MAP3K3: variants seen among roughly 807,000 people sequenced by gnomAD.
MAP3K3 encodes the protein mitogen-activated protein kinase kinase kinase 3.
In MAP3K3, 12 loss-of-function variants were observed where a neutral mutation model predicts 80.9. The ratio of observed to expected loss-of-function variants is 0.15; its 90% confidence interval spans 0.10 to 0.24. The LOEUF (loss-of-function observed/expected upper bound fraction) is 0.24, where lower values mean the gene tolerates loss of function less well. Among genes scored for constraint, MAP3K3 ranks in the 10% least tolerant of loss-of-function variants. MAP3K3 has a pLI of 1.00. For synonymous variants in MAP3K3, 272 were observed against 307.1 expected (o/e 0.89, Z 1.19); for missense variants, 596 against 834.7 (o/e 0.71, Z 3.52).
rs563252910 is a variant in MAP3K3 at position 63,647,360 on chromosome 17, A to G, written c.167+1286A>G. Among the ~76,000 whole-genome samples the G allele has an allele frequency of 3.9e-5, 6 of 152,252 alleles. No homozygotes were observed. In the East Asian group the frequency reaches 9.6e-4, roughly 24 times the overall value. ...CTGTTGCTACTTTTCACATTTTCCA[A>G]CCTGAGTTTTAAAGGGATGGCCAAA... On this transcript the variant is annotated intron_variant, in intron 3 of 15. Coordinates refer to ENST00000361733, the MANE Select transcript of MAP3K3 (RefSeq NM_002401.5).
At chr17:63,635,123 T>G (rs1003186927) in intron 2 of MAP3K3, among the ~76,000 whole-genome samples, 6 of 152,212 alleles carry the variant, frequency 3.9e-5, no homozygotes, top group Non-Finnish European at 7.3e-5. Context: ...TTTATATCAT[T>G]TTAATTAATT....
At chr17:63,667,548 A>G (rs1446288335) in intron 6 of MAP3K3, among the ~76,000 whole-genome samples, 1 of 152,158 alleles carries the variant, frequency 6.6e-6, no homozygotes, top group East Asian at 1.9e-4. Context: ...GAGACTATTG[A>G]CATAGTACAG....
chr17:63,664,047 C>T, intron 5 of MAP3K3, among the ~76,000 whole-genome samples: 1 of 151,676 alleles, frequency 6.6e-6, no homozygotes, highest in South Asian at 2.1e-4. Flanking sequence ...TCGAGACCAT[C>T]CTGGCTAACA....
chr17:63,640,312 G>A (rs1350990072), intron 2 of MAP3K3, among the ~76,000 whole-genome samples: 1 of 152,156 alleles, frequency 6.6e-6, no homozygotes, highest in Admixed American at 6.5e-5. Flanking sequence ...TAATAGTTGA[G>A]AAGGGAGACT....
rs532145784 is a variant in MAP3K3 at position 63,672,208 on chromosome 17, G to A, written c.502+5148G>A. Among the ~76,000 whole-genome samples the A allele has an allele frequency of 7.3e-5, 11 of 151,672 alleles. 1 individual carries two copies. Among genetic ancestry groups the A allele is most frequent in the South Asian group, 2.1e-4 (1 of 4,792 alleles). ...TGAGGCAGGAGAATTGTTTGAACCC[G>A]GGAGGCGGAGGTTGCAGTGAGCCGA... On this transcript the variant is annotated intron_variant, in intron 6 of 15. Coordinates refer to ENST00000361733, the MANE Select transcript of MAP3K3 (RefSeq NM_002401.5).
intron 6 of MAP3K3, among the ~76,000 whole-genome samples, chr17:63,675,816 A>G (rs569566466): frequency 2.6e-5 from 4 of 152,332 alleles, no homozygotes; most frequent in South Asian, 2.1e-4. Flanking sequence ...ACCCCTGCCT[A>G]TGCAGCCTTC....
chr17:63,641,197 GAGGAAACTAAGTTATAGGTTAA>G (rs1345972162), intron 2 of MAP3K3, among the ~76,000 whole-genome samples: 1 of 151,736 alleles, frequency 6.6e-6, no homozygotes. Flanking sequence ...CTTTACAGAT[GAGGAAACTAAGTTATAGGTTAA>G]GTATGAGGCT....
chr17:63,691,237 C>T lies in MAP3K3; in HGVS notation c.1344+4C>T, dbSNP rs369020805. ...CTTCATGGAGTACATGCCAGGGGTA[C>T]GTGCCCCTTGAATGCATGTGAGACA... On this transcript the variant is annotated splice_donor_region_variant and intron_variant, in intron 13 of 15. Coordinates refer to ENST00000361733, the MANE Select transcript of MAP3K3 (RefSeq NM_002401.5). This position sits in a 1 kb window ranked among gnomAD's most constrained non-coding sequence, Gnocchi z 4.8. The T allele has an allele frequency of 1.0e-4, 166 of 1,614,054 alleles. No homozygotes were observed. Among genetic ancestry groups the T allele is most frequent in the African/African-American group, 5.6e-4 (42 of 75,052 alleles).
chr17:63,656,577 C>T (rs1431162200), intron 4 of MAP3K3, among the ~76,000 whole-genome samples: 2 of 152,128 alleles, frequency 1.3e-5, no homozygotes, highest in Non-Finnish European at 2.9e-5. Flanking sequence ...TGCACTCCAG[C>T]CTGGGCGACA....
rs147190056 is a variant in MAP3K3, at chr17:63,655,950, C to T, written c.268-1844C>T. Reference sequence around the variant, plus strand: ...TATTTTAAATATGTACTGTTTTTGGCGAGGCGCGATGGTTCATGCCTGTAA... The same window carrying T: ...TATTTTAAATATGTACTGTTTTTGGTGAGGCGCGATGGTTCATGCCTGTAA... On this transcript the variant is annotated intron_variant, in intron 4 of 15. Coordinates refer to ENST00000361733, the MANE Select transcript of MAP3K3 (RefSeq NM_002401.5). Among the ~76,000 whole-genome samples, 830 of 152,160 alleles carry T rather than the reference C, an allele frequency of 5.5e-3. 5 individuals carry two copies. Among genetic ancestry groups the T allele is most frequent in the African/African-American group, 0.018 (752 of 41,512 alleles).
rs560655467 is a variant in MAP3K3 at position 63,636,982 on chromosome 17, C to A, written c.126+4180C>A. 4.8e-4 allele frequency: 296 copies of A among 614,476 alleles called. 1 individual carries two copies. The highest frequency in any genetic ancestry group is 1.5e-3 in the Middle Eastern group (5 of 3,448). 38.1% of individuals were successfully genotyped at this position (614,476 alleles called of 1,614,324 possible). On this transcript the variant is annotated intron_variant, in intron 2 of 15. Transcript: ENST00000361733. ...CCTCCAAGCTGGTGCCCATGGGCTA[C>A]GGTATCCGGAAGCTGCAGATTCAGT... is the stretch of plus-strand genomic sequence containing the variant.
At chr17:63,678,110 G>A (rs1295071822) in intron 6 of MAP3K3, among the ~76,000 whole-genome samples, 1 of 152,152 alleles carries the variant, frequency 6.6e-6, no homozygotes, top group African/African-American at 2.4e-5. Context: ...CACAAAGCCT[G>A]TTTTCTCGCT....
At chr17:63,631,865 C>T (rs975678404) in intron 1 of MAP3K3, among the ~76,000 whole-genome samples, 12 of 152,058 alleles carry the variant, frequency 7.9e-5, no homozygotes, top group African/African-American at 2.4e-4. Context: ...CTGGTGGTGG[C>T]GGCATTCAAA....
At chr17:63,623,558 A>G (rs2034039404) in intron 1 of MAP3K3, among the ~76,000 whole-genome samples, 1 of 152,204 alleles carries the variant, frequency 6.6e-6, no homozygotes, top group African/African-American at 2.4e-5. Context: ...TTTTGTCAGT[A>G]TTTACAATTT....
At chr17:63,649,904 C>G (rs1016062443) in intron 3 of MAP3K3, among the ~76,000 whole-genome samples, 2 of 152,180 alleles carry the variant, frequency 1.3e-5, no homozygotes, top group African/African-American at 4.8e-5. Flanking sequence ...GTTTAGATCC[C>G]TCTCTCTTGT....
intron 6 of MAP3K3, among the ~76,000 whole-genome samples, chr17:63,667,348 A>G (rs751148786): frequency 2.0e-5 from 3 of 152,200 alleles, no homozygotes; most frequent in Non-Finnish European, 4.4e-5. Flanking sequence ...GAAGACTTCC[A>G]GCTGTGTTTA....
chr17:63,678,806 G>A (rs1282666612), intron 6 of MAP3K3, among the ~76,000 whole-genome samples: 1 of 151,684 alleles, frequency 6.6e-6, no homozygotes, highest in Non-Finnish European at 1.5e-5. Flanking sequence ...GAGACAGGCA[G>A]ATCACCTGAA....
intron 6 of MAP3K3, among the ~76,000 whole-genome samples, chr17:63,670,889 T>A (rs1318757264): frequency 6.6e-6 from 1 of 152,158 alleles, no homozygotes; most frequent in Admixed American, 6.6e-5. Context: ...TTGTGGACCC[T>A]GGTTAAGATT....
chr17:63,650,714 C>T (rs1237623061), intron 3 of MAP3K3, among the ~76,000 whole-genome samples: 11 of 116,120 alleles, frequency 9.5e-5, no homozygotes, highest in African/African-American at 3.8e-4. Flanking sequence ...TTTTTTTAGA[C>T]AGGGTCTCAT....
Sources: gnomAD v4.1 joint callset for allele counts (sites outside exome capture counted in the v4.1 genomes callset) on GRCh38, gnomAD v4.1.1 for gene constraint, Gnocchi (gnomAD v3.1) non-coding constraint, MANE v1.5 for transcripts, NCBI Gene and HGNC (gene_info 2026-07-23, HGNC 2026-07-21) for gene names.